Variants in SAMD5 observed in about 807,000 individuals in gnomAD.
SAMD5 encodes the protein sterile alpha motif domain containing 5, also known as sterile alpha motif domain-containing protein 5.
Under a neutral mutation model 11.3 loss-of-function variants are expected in SAMD5, and 13 were observed. The observed-to-expected ratio is 1.15, with a 90% confidence interval of 0.75 to 1.83. The LOEUF is 1.83. Among genes scored for constraint, SAMD5 ranks in the 40% most tolerant of loss-of-function variants. SAMD5 has a pLI of 0.00. For missense variants in SAMD5, 255 were observed against 239.1 expected (o/e 1.07, Z -0.44); for synonymous variants, 129 against 111.3 (o/e 1.16, Z -1.00).
chr6:147,643,704 G>A (rs1790347318), intron 1 of SAMD5, among the ~76,000 whole-genome samples: 2 of 148,940 alleles, frequency 1.3e-5, no homozygotes, highest in African/African-American at 4.9e-5. Flanking sequence ...TTACTAAAAG[G>A]AAAGAGACAG....
At chr6:147,838,437 TG>T in the SAMD5 span, among the ~76,000 whole-genome samples, 1 of 152,100 alleles carries the variant, frequency 6.6e-6, no homozygotes, top group Non-Finnish European at 1.5e-5. Flanking sequence ...GTAATAATAC[TG>T]TTTAATGGTG....
chr6:147,780,281 C>T, the SAMD5 span, among the ~76,000 whole-genome samples: 3 of 151,814 alleles, frequency 2.0e-5, no homozygotes, highest in Non-Finnish European at 4.4e-5. Flanking sequence ...GATCTTGGCT[C>T]GCTGCAATGT....
intron 1 of SAMD5, among the ~76,000 whole-genome samples, chr6:147,515,448 C>G (rs1486114241): frequency 6.7e-6 from 1 of 148,990 alleles, no homozygotes; most frequent in Non-Finnish European, 1.5e-5. Flanking sequence ...ATCCATCCAT[C>G]CATCCATCCA....
Position 147,569,072 on chromosome 6 carries a change from C to CA in SAMD5, c.*4624dup, listed in dbSNP as rs34834946. ...TGAAACCCTGTGTCTACTAAAAATA[C>CA]AAAAAAAATTAGCTGAGTGTGGTGG... On this transcript the variant is annotated 3_prime_UTR_variant, in exon 2 of 2. Transcript: ENST00000367474. 0.089 allele frequency: 16,347 copies of CA among 183,696 alleles called. 1,262 individuals are homozygous for CA. The highest frequency in any genetic ancestry group is 0.33 in the East Asian group (1,728 of 5,248). 11.4% of individuals were successfully genotyped at this position (183,696 alleles called of 1,614,324 possible).
chr6:147,733,129 A>G (rs892165607), intron 1 of SAMD5, among the ~76,000 whole-genome samples: 3 of 152,234 alleles, frequency 2.0e-5, no homozygotes, highest in African/African-American at 7.2e-5. Context: ...AATTCACTTG[A>G]AAATGACAAT....
downstream of SAMD5, among the ~76,000 whole-genome samples, chr6:147,737,852 A>G (rs1191792356): frequency 6.6e-6 from 1 of 151,982 alleles, no homozygotes; most frequent in Non-Finnish European, 1.5e-5. Flanking sequence ...TGTTTTCTGC[A>G]CAAGCCAGGA....
intron 1 of SAMD5, among the ~76,000 whole-genome samples, chr6:147,610,688 C>A: frequency 6.6e-6 from 1 of 152,058 alleles, no homozygotes; most frequent in East Asian, 1.9e-4. Flanking sequence ...ACGAGGTTGA[C>A]CAGAGACCTG....
chr6:147,862,193 TA>T, the SAMD5 span, among the ~76,000 whole-genome samples: 1 of 152,150 alleles, frequency 6.6e-6, no homozygotes, highest in African/African-American at 2.4e-5. Context: ...TATGGTTATC[TA>T]AGTGCCCTGG....
intron 1 of SAMD5, among the ~76,000 whole-genome samples, chr6:147,638,158 G>A (rs912135183): frequency 3.3e-5 from 5 of 152,026 alleles, no homozygotes; most frequent in Non-Finnish European, 2.9e-5. Flanking sequence ...AAAATATAGC[G>A]TAATGCAAAG....
chr6:147,540,933 G>A (rs113304756), intron 1 of SAMD5, among the ~76,000 whole-genome samples: 2 of 64,180 alleles, frequency 3.1e-5, no homozygotes, highest in African/African-American at 1.1e-4. Flanking sequence ...CAAGCCACGC[G>A]TTTTTTTTTT....
At chr6:147,726,523 C>T (rs754105658) in intron 1 of SAMD5, among the ~76,000 whole-genome samples, 1 of 152,164 alleles carries the variant, frequency 6.6e-6, no homozygotes, top group Non-Finnish European at 1.5e-5. Flanking sequence ...GCCTGGGGCC[C>T]AGGCCCAGGC....
chr6:147,833,676 T>A, the SAMD5 span, among the ~76,000 whole-genome samples: 1 of 152,266 alleles, frequency 6.6e-6, no homozygotes, highest in Non-Finnish European at 1.5e-5. Context: ...ACTTTTTTCC[T>A]GTGTATGTAA....
chr6:147,844,726 T>C, the SAMD5 span, among the ~76,000 whole-genome samples: 1 of 150,760 alleles, frequency 6.6e-6, no homozygotes, highest in Non-Finnish European at 1.5e-5. Context: ...GCCTAGATGA[T>C]ATTATGTTAA....
At chr6:147,767,238 C>T in the SAMD5 span, among the ~76,000 whole-genome samples, 1 of 152,206 alleles carries the variant, frequency 6.6e-6, no homozygotes, top group African/African-American at 2.4e-5. Context: ...TGAGAAGTAT[C>T]TGTCTTGAAG....
the SAMD5 span, among the ~76,000 whole-genome samples, chr6:147,860,966 A>G: frequency 6.6e-6 from 1 of 152,180 alleles, no homozygotes. Context: ...TGTAGAAAAC[A>G]TATGTATAGT....
the SAMD5 span, among the ~76,000 whole-genome samples, chr6:147,762,242 GT>G: frequency 2.6e-5 from 4 of 152,096 alleles, no homozygotes; most frequent in Non-Finnish European, 4.4e-5. Context: ...GTCTCACTCT[GT>G]CACCCAAGCT....
the SAMD5 span, among the ~76,000 whole-genome samples, chr6:147,841,146 C>T: frequency 6.6e-6 from 1 of 152,192 alleles, no homozygotes; most frequent in Non-Finnish European, 1.5e-5. Context: ...ATTTGTGATT[C>T]TGCAAGTGTA....
the SAMD5 span, among the ~76,000 whole-genome samples, chr6:147,942,639 G>T: frequency 2.0e-5 from 3 of 152,162 alleles, no homozygotes; most frequent in African/African-American, 7.2e-5. Context: ...TTGGCTAAGA[G>T]GCTCCTGTGG....
chr6:147,928,412 G>A, the SAMD5 span, among the ~76,000 whole-genome samples: 1 of 152,058 alleles, frequency 6.6e-6, no homozygotes, highest in South Asian at 2.1e-4. Flanking sequence ...AATGTCTCCA[G>A]GGATTTATCC....
Sources: allele counts gnomAD v4.1 joint callset (sites outside exome capture counted in the v4.1 genomes callset), GRCh38; gene constraint gnomAD v4.1.1; transcripts MANE v1.5; gene names NCBI Gene and HGNC (gene_info 2026-07-23, HGNC 2026-07-21).